Variants in USP49 observed in about 807,000 individuals in gnomAD.
USP49 encodes the protein ubiquitin carboxyl-terminal hydrolase 49.
A neutral mutation model predicts 58.6 loss-of-function variants in USP49; 24 were observed. The observed-to-expected ratio is 0.41, with a 90% confidence interval of 0.30 to 0.58. The LOEUF (loss-of-function observed/expected upper bound fraction) is 0.58, where lower values mean the gene tolerates loss of function less well. Among genes scored for constraint, USP49 ranks in the 20% least tolerant of loss-of-function variants. The pLI, the probability that USP49 is intolerant of heterozygous loss-of-function variation, is 0.30. For missense variants in USP49, 703 were observed against 866.1 expected (o/e 0.81, Z 2.36); for synonymous variants, 408 against 365.1 (o/e 1.12, Z -1.34).
chr6:41,887,741 G>A (rs1292778714), intron 2 of USP49, among the ~76,000 whole-genome samples: 1 of 152,192 alleles, frequency 6.6e-6, no homozygotes, highest in Non-Finnish European at 1.5e-5. Flanking sequence ...TTTTCACACA[G>A]TAAAGCTGGA....
intron 3 of USP49, among the ~76,000 whole-genome samples, chr6:41,855,637 C>T (rs553723185): frequency 1.6e-4 from 24 of 152,308 alleles, no homozygotes; most frequent in African/African-American, 5.5e-4. Context: ...CTGCTTACTG[C>T]CACACAATCT....
chr6:41,830,262 G>A (rs1280692835), intron 3 of USP49, among the ~76,000 whole-genome samples: 1 of 152,072 alleles, frequency 6.6e-6, no homozygotes, highest in Non-Finnish European at 1.5e-5. Context: ...GTTCCATGAA[G>A]GTCTGATAAA....
chr6:41,858,270 AAG>A (rs1354458978), intron 3 of USP49, among the ~76,000 whole-genome samples: 1 of 152,052 alleles, frequency 6.6e-6, no homozygotes, highest in Non-Finnish European at 1.5e-5. Flanking sequence ...GTTGTCATAA[AAG>A]AGAGATTTAC....
intron 1 of USP49, chr6:41,893,840 TCTCTC>T (rs2127368346): frequency 6.6e-6 from 1 of 152,162 alleles, no homozygotes; most frequent in African/African-American, 2.4e-5. Context: ...AACACACAGT[TCTCTC>T]CTCAACAAAG....
intron 3 of USP49, among the ~76,000 whole-genome samples, chr6:41,816,615 A>T (rs553952517): frequency 1.3e-5 from 2 of 152,276 alleles, no homozygotes; most frequent in South Asian, 4.1e-4. Flanking sequence ...AAAACTAAAA[A>T]TTATTGGTAG....
Position 41,799,877 on chromosome 6 carries a change from C to T in USP49, c.1623G>A (p.Met541Ile). Residue 541 changes from methionine to isoleucine, a missense_variant, in exon 6 of 8, where the codon ATG (methionine) becomes ATA (isoleucine). Around this residue, in one of 6 missense-constraint regions of USP49, gnomAD observed 158 missense variants for 241.2 expected, o/e 0.66. Coordinates refer to ENST00000682992, the MANE Select transcript of USP49 (RefSeq NM_001286554.2). ...GGAGAACCTGAGGTAGTCTGTAGAT[C>T]ATTAACTGCTTTCTAGCTTCACTCA... ...LVLSEARKQL[M>I]IYRLPQVLRL... The T allele has an allele frequency of 1.9e-6, 3 of 1,614,134 alleles. No individual in the cohort carries two copies. Among genetic ancestry groups the T allele is most frequent in the Non-Finnish European group, 2.5e-6 (3 of 1,180,006 alleles).
chr6:41,853,276 G>A (rs951341610), intron 3 of USP49, among the ~76,000 whole-genome samples: 5 of 152,104 alleles, frequency 3.3e-5, no homozygotes, highest in African/African-American at 9.7e-5. Context: ...TATGCCCATC[G>A]GAAAAAGACA....
At chr6:41,859,343 C>G (rs1186640761) in intron 3 of USP49, among the ~76,000 whole-genome samples, 1 of 152,204 alleles carries the variant, frequency 6.6e-6, no homozygotes, top group Non-Finnish European at 1.5e-5. Context: ...TTTCATCATT[C>G]CCCTGGCTAT....
chr6:41,821,018 T>C (rs1773443785), intron 3 of USP49, among the ~76,000 whole-genome samples: 1 of 151,734 alleles, frequency 6.6e-6, no homozygotes, highest in East Asian at 1.9e-4. Context: ...AATAAATAAG[T>C]AAATAAATAA....
At chr6:41,862,083 T>C (rs1204891316) in intron 3 of USP49, among the ~76,000 whole-genome samples, 1 of 152,170 alleles carries the variant, frequency 6.6e-6, no homozygotes, top group Non-Finnish European at 1.5e-5. Context: ...GAGAGGAGAA[T>C]TATGCCATTT....
At chr6:41,873,729 G>A (rs561162108) in intron 2 of USP49, among the ~76,000 whole-genome samples, 18 of 152,330 alleles carry the variant, frequency 1.2e-4, no homozygotes, top group Admixed American at 3.3e-4. Flanking sequence ...CCTAGGACAC[G>A]TATGTAACCA....
chr6:41,857,266 C>T (rs187570217), intron 3 of USP49, among the ~76,000 whole-genome samples: 262 of 152,316 alleles, frequency 1.7e-3, no homozygotes, highest in African/African-American at 6.1e-3. Flanking sequence ...AGGGAAAACA[C>T]ACAAAAAGCT....
chr6:41,815,090 G>GA (rs1403616593), intron 3 of USP49, among the ~76,000 whole-genome samples: 1 of 152,026 alleles, frequency 6.6e-6, no homozygotes, highest in East Asian at 1.9e-4. Context: ...ATATAGTTAA[G>GA]AAAAAGATTT....
At chr6:41,797,368 G>C (rs1015528212) in intron 7 of USP49, among the ~76,000 whole-genome samples, 4 of 152,202 alleles carry the variant, frequency 2.6e-5, no homozygotes, top group Admixed American at 6.5e-5. Context: ...AGATGAGGAG[G>C]AAGAGGAGGA....
intron 3 of USP49, among the ~76,000 whole-genome samples, chr6:41,827,025 T>C (rs1205361012): frequency 6.6e-6 from 1 of 152,206 alleles, no homozygotes; most frequent in Non-Finnish European, 1.5e-5. Flanking sequence ...CTGCACTGAT[T>C]CCTTGCACAG....
chr6:41,894,734 C>A (rs942292227), intron 1 of USP49, among the ~76,000 whole-genome samples: 1 of 152,018 alleles, frequency 6.6e-6, no homozygotes, highest in South Asian at 2.1e-4. Context: ...TACACCTAAC[C>A]CCAGGATCCC....
At chr6:41,858,394 A>C (rs1431813059) in intron 3 of USP49, among the ~76,000 whole-genome samples, 1 of 152,106 alleles carries the variant, frequency 6.6e-6, no homozygotes, top group Non-Finnish European at 1.5e-5. Flanking sequence ...ATAGTTCCCT[A>C]TCTCAAGATT....
chr6:41,882,930 A>T (rs756356608), intron 2 of USP49, among the ~76,000 whole-genome samples: 41 of 152,030 alleles, frequency 2.7e-4, no homozygotes, highest in Non-Finnish European at 4.9e-4. Context: ...CAAAAAACAA[A>T]AAACAAAAAA....
rs1023765448 is a variant in USP49 at position 41,791,913 on chromosome 6, A to C, written c.*4620T>G. On this transcript the variant is annotated 3_prime_UTR_variant, in exon 8 of 8. Coordinates refer to ENST00000682992, the MANE Select transcript of USP49 (RefSeq NM_001286554.2). ...AAGATGCGTACTTAACTGGTTAAAA[A>C]ATTAAGTGGCCCTGGAAAGTTTTAC... 6.6e-6 allele frequency: 1 copy of C among 152,236 alleles called. No individual in the cohort carries two copies. The allele number at this position is 152,236 out of a possible 1,614,324, so 9.4% of individuals were successfully genotyped here. A position where few individuals can be genotyped will look rare whatever the true frequency, so the allele number is the denominator to read the frequency against.
Sources: gnomAD v4.1 joint callset for allele counts (sites outside exome capture counted in the v4.1 genomes callset) on GRCh38, gnomAD v4.1.1 for gene constraint, gnomAD v4.1.1 regional missense constraint, MANE v1.5 for transcripts, NCBI Gene and HGNC (gene_info 2026-07-23, HGNC 2026-07-21) for gene names.